WWP1: variants seen among roughly 807,000 people sequenced by gnomAD.
WWP1 encodes NEDD4-like E3 ubiquitin-protein ligase WWP1.
WWP1 carries 49 observed loss-of-function variants against 130.6 expected under a neutral mutation model. The ratio of observed to expected loss-of-function variants is 0.38; its 90% CI spans 0.30 to 0.48. The LOEUF is 0.48. WWP1 is among the 20% of genes least tolerant of loss of function. The pLI, the probability that WWP1 is intolerant of heterozygous loss-of-function variation, is 0.99. For missense variants in WWP1, 809 were observed against 1,100.6 expected, an observed-to-expected ratio of 0.74 and a Z score of 3.75; for synonymous variants, 332 against 367.8, an observed-to-expected ratio of 0.90 and a Z score of 1.11.
rs144931888 is a variant in WWP1, at chr8:86,370,015, C to T, written c.-22+984C>T. On this transcript the variant is annotated intron_variant, in intron 2 of 24. Coordinates refer to ENST00000517970, the MANE Select transcript of WWP1 (RefSeq NM_007013.4). ...TGCTCAGCTGAAGAACTAGATCAAT[C>T]CCAATATGGTTAAAGAGCTGTGAAA... 7.8e-3 allele frequency among the ~76,000 whole-genome samples: 1,181 copies of T among 152,222 alleles called. 18 individuals are homozygous for T. Among genetic ancestry groups the T allele is most frequent in the African/African-American group, 0.027 (1,122 of 41,528 alleles).
At chr8:86,389,771 G>A (rs536916501) in intron 5 of WWP1, among the ~76,000 whole-genome samples, 14 of 144,962 alleles carry the variant, frequency 9.7e-5, no homozygotes, top group Middle Eastern at 4.3e-3. Flanking sequence ...CGGATGGGGC[G>A]GCTGCCCGGC....
chr8:86,454,820 C>T (rs1811353966), intron 21 of WWP1, among the ~76,000 whole-genome samples: 1 of 151,972 alleles, frequency 6.6e-6, no homozygotes, highest in African/African-American at 2.4e-5. Flanking sequence ...CATATGATAC[C>T]TTTCTTTTAC....
chr8:86,388,873 AT>A (rs1825441409), intron 5 of WWP1, among the ~76,000 whole-genome samples: 1 of 152,018 alleles, frequency 6.6e-6, no homozygotes, highest in Non-Finnish European at 1.5e-5. Context: ...TTGCTTTTTA[AT>A]TTTATATTCC....
intron 5 of WWP1, among the ~76,000 whole-genome samples, chr8:86,385,147 T>C (rs529126367): frequency 1.5e-3 from 235 of 152,306 alleles, no homozygotes; most frequent in Non-Finnish European, 2.8e-3. Context: ...CCTTAAATTC[T>C]GATTTGAGGG....
chr8:86,431,230 A>G (rs1052786190), intron 12 of WWP1, among the ~76,000 whole-genome samples, 176 bp from the exon 13 acceptor site: 1 of 142,064 alleles, frequency 7.0e-6, no homozygotes, highest in Non-Finnish European at 1.5e-5. Flanking sequence ...TATATGTTAT[A>G]TTCTCTATAA....
chr8:86,381,429 T>A, intron 4 of WWP1, 76 bp from the exon 5 acceptor site: 1 of 1,494,616 alleles, frequency 6.7e-7, no homozygotes, highest in Non-Finnish European at 8.9e-7. Flanking sequence ...AATAAATGCT[T>A]TAATAGGAAT....
At position 86,380,465 on chromosome 8, in the gene WWP1, CTG is replaced by C. The variant is rs201187430; in HGVS notation, c.71-260_71-259del. Among the ~76,000 whole-genome samples, 663 of 152,178 alleles carry C rather than the reference CTG, an allele frequency of 4.4e-3. 2 individuals are homozygous for C. The highest frequency in any genetic ancestry group is 0.015 in the African/African-American group (637 of 41,518). ...TGATTGTGGTGATGGTTGTGCCACTCTGAATATAGTGAAACCATTGAATTGTA... is the reference window on the plus strand; with the variant it reads ...TGATTGTGGTGATGGTTGTGCCACTCAATATAGTGAAACCATTGAATTGTA... On this transcript the variant is annotated intron_variant, in intron 3 of 24. Coordinates refer to ENST00000517970, the MANE Select transcript of WWP1 (RefSeq NM_007013.4).
chr8:86,388,305 T>G (rs886709973), intron 5 of WWP1, among the ~76,000 whole-genome samples: 4 of 152,038 alleles, frequency 2.6e-5, no homozygotes, highest in Admixed American at 2.6e-4. Context: ...GGCCAGTGGC[T>G]GTTCACAGGT....
chr8:86,396,792 G>A (rs759751905), intron 5 of WWP1, among the ~76,000 whole-genome samples: 4 of 152,016 alleles, frequency 2.6e-5, no homozygotes, highest in African/African-American at 4.8e-5. Context: ...TAGAGACAGC[G>A]TCTTGCTATG....
At chr8:86,342,980 G>C (rs1304260825) in intron 1 of WWP1, 50 bp downstream of exon 1, 4 of 307,446 alleles carry the variant, frequency 1.3e-5, no homozygotes, top group Non-Finnish European at 2.4e-5. Context: ...CAGGGCGGGA[G>C]GGGGCACGGG....
chr8:86,350,448 G>T (rs557011485), intron 1 of WWP1, among the ~76,000 whole-genome samples: 1 of 151,840 alleles, frequency 6.6e-6, no homozygotes, highest in Non-Finnish European at 1.5e-5. Flanking sequence ...AGCATTTCAT[G>T]TACACTAAAA....
intron 21 of WWP1, among the ~76,000 whole-genome samples, chr8:86,457,189 C>T (rs187645720): frequency 3.8e-4 from 57 of 151,916 alleles, no homozygotes; most frequent in Non-Finnish European, 6.9e-4. Flanking sequence ...ACATATTTTA[C>T]TATACCTAAA....
At chr8:86,401,486 A>C (rs1045170431) in intron 7 of WWP1, among the ~76,000 whole-genome samples, 4 of 151,910 alleles carry the variant, frequency 2.6e-5, no homozygotes, top group Admixed American at 2.0e-4. Context: ...CTTGAGCCTA[A>C]GAGGTTGAAG....
chr8:86,356,326 T>C (rs1005505450), intron 1 of WWP1, among the ~76,000 whole-genome samples: 1 of 152,104 alleles, frequency 6.6e-6, no homozygotes, highest in Non-Finnish European at 1.5e-5. Context: ...CAAGTTTTAA[T>C]GTTCTTAGAA....
Position 86,466,815 on chromosome 8 carries a change from A to C in WWP1, c.2691A>C (p.Pro897=), listed in dbSNP as rs1812196854. 12 of 1,593,564 alleles carry C rather than the reference A, an allele frequency of 7.5e-6. No individual in the cohort carries two copies. In the East Asian group the frequency reaches 2.7e-4, roughly 36 times the overall value. ...TCAGTTTTAATCGCTTGGATCTACC[A>C]CCATATAAGAGTTATGAACAACTAA... ...SHTCFNRLDL[P]PYKSYEQLKE... The change falls in exon 25 of 25, where the codon CCA becomes CCC. Residue 897 remains proline, a synonymous_variant. Coordinates refer to ENST00000517970, the MANE Select transcript of WWP1 (RefSeq NM_007013.4).
intron 1 of WWP1, among the ~76,000 whole-genome samples, chr8:86,344,556 CTTAT>C (rs771537843): frequency 1.1e-4 from 16 of 152,152 alleles, no homozygotes; most frequent in Non-Finnish European, 2.1e-4. Context: ...ACACAAATGC[CTTAT>C]TTGTCTTTTA....
intron 10 of WWP1, 87 bp from the exon 11 acceptor site, chr8:86,427,556 C>A: frequency 7.3e-7 from 1 of 1,367,224 alleles, no homozygotes; most frequent in East Asian, 2.4e-5. Context: ...ATGTCTTGAA[C>A]TTGATATTTA....
chr8:86,433,896 C>T (rs1285256703), intron 14 of WWP1, among the ~76,000 whole-genome samples: 8 of 151,202 alleles, frequency 5.3e-5, no homozygotes, highest in Admixed American at 3.3e-4. Context: ...CCAGCCTAGG[C>T]AACAAGAGCG....
intron 22 of WWP1, among the ~76,000 whole-genome samples, chr8:86,459,609 A>G (rs565158814): frequency 2.0e-5 from 3 of 152,334 alleles, no homozygotes; most frequent in African/African-American, 7.2e-5. Flanking sequence ...TTTGCATTCT[A>G]TACTATTACC....
Sources: gnomAD v4.1 joint callset for allele counts (sites outside exome capture counted in the v4.1 genomes callset) on GRCh38, gnomAD v4.1.1 for gene constraint, MANE v1.5 for transcripts, NCBI Gene and HGNC (gene_info 2026-07-23, HGNC 2026-07-21) for gene names.